JAKMIP2: variants seen among roughly 807,000 people sequenced by gnomAD.
JAKMIP2 encodes janus kinase and microtubule interacting protein 2.
JAKMIP2 carries 25 observed loss-of-function variants against 115.0 expected under a neutral mutation model. The ratio of observed to expected loss-of-function variants is 0.22; its 90% CI spans 0.16 to 0.30. The LOEUF (loss-of-function observed/expected upper bound fraction) is 0.30, where lower values mean the gene tolerates loss of function less well. Ranked by LOEUF, JAKMIP2 falls within the 10% of genes least tolerant of loss-of-function variation. The pLI, the probability that JAKMIP2 is intolerant of heterozygous loss-of-function variation, is 1.00. For missense variants in JAKMIP2, 642 were observed against 957.6 expected (o/e 0.67, Z 4.35); for synonymous variants, 334 against 343.6 (o/e 0.97, Z 0.31).
chr5:147,592,931 T>C (rs1318142614), intron 21 of JAKMIP2, among the ~76,000 whole-genome samples: 2 of 151,720 alleles, frequency 1.3e-5, no homozygotes, highest in African/African-American at 4.8e-5. Context: ...GATGGAAGAG[T>C]GACAGAGTCA....
At chr5:147,615,300 C>A (rs1756514447) in intron 19 of JAKMIP2, among the ~76,000 whole-genome samples, 1 of 152,096 alleles carries the variant, frequency 6.6e-6, no homozygotes, top group African/African-American at 2.4e-5. Context: ...GGATCTTAAA[C>A]TGGGACTGGA....
chr5:147,667,301 G>T (rs868026702), intron 2 of JAKMIP2, among the ~76,000 whole-genome samples: 26 of 152,152 alleles, frequency 1.7e-4, no homozygotes, highest in African/African-American at 5.6e-4. Context: ...CCAAGGAAAG[G>T]TTACACTATG....
chr5:147,723,277 C>G (rs965885461), intron 1 of JAKMIP2, among the ~76,000 whole-genome samples: 2 of 152,064 alleles, frequency 1.3e-5, no homozygotes, highest in Admixed American at 6.5e-5. Context: ...GTATCTTAGC[C>G]CTCTCACATA....
chr5:147,593,036 G>A (rs1207368276), intron 21 of JAKMIP2, among the ~76,000 whole-genome samples: 1 of 152,156 alleles, frequency 6.6e-6, no homozygotes, highest in Admixed American at 6.5e-5. Flanking sequence ...AGATATTGAT[G>A]GTGGATTCAC....
chr5:147,782,660 C>A lies in JAKMIP2; in HGVS notation c.-353G>T. ...AGAGTATCAGCAATAGAGGCGGCGGCGGCGGCAGCAGCAGCAGCAGCAGCA... is the reference window on the plus strand; with the variant it reads ...AGAGTATCAGCAATAGAGGCGGCGGAGGCGGCAGCAGCAGCAGCAGCAGCA... On this transcript the variant is annotated 5_prime_UTR_variant, in exon 1 of 22. Transcript: ENST00000616793. 1.5e-6 allele frequency: 1 copy of A among 672,092 alleles called. No homozygotes were observed. Among genetic ancestry groups the A allele is most frequent in the Non-Finnish European group, 2.7e-6 (1 of 370,574 alleles). The allele number at this position is 672,092 out of a possible 1,614,324, so 41.6% of individuals were successfully genotyped here. A position where few individuals can be genotyped will look rare whatever the true frequency, so the allele number is the denominator to read the frequency against.
At chr5:147,692,457 A>AT (rs1751904475) in intron 1 of JAKMIP2, among the ~76,000 whole-genome samples, 2 of 152,144 alleles carry the variant, frequency 1.3e-5, no homozygotes, top group South Asian at 4.1e-4. Context: ...TCTTCCTGAG[A>AT]TTTTCAGATC....
At chr5:147,742,729 A>C (rs1347655899) in intron 1 of JAKMIP2, among the ~76,000 whole-genome samples, 2 of 152,156 alleles carry the variant, frequency 1.3e-5, no homozygotes, top group East Asian at 3.9e-4. Context: ...TACGTTTGTT[A>C]TGTCAGCTGG....
chr5:147,769,039 G>A (rs1443932214), intron 1 of JAKMIP2, among the ~76,000 whole-genome samples: 1 of 152,052 alleles, frequency 6.6e-6, no homozygotes, highest in East Asian at 1.9e-4. Context: ...ACATTTCTCT[G>A]TCTTAGTTTC....
intron 3 of JAKMIP2, among the ~76,000 whole-genome samples, chr5:147,651,912 T>C (rs541637243): frequency 2.0e-5 from 3 of 152,336 alleles, no homozygotes; most frequent in African/African-American, 7.2e-5. Context: ...TTGTCAGACT[T>C]GTCAACTGGA....
At chr5:147,636,628 C>G (rs1757626795) in intron 11 of JAKMIP2, among the ~76,000 whole-genome samples, 1 of 152,148 alleles carries the variant, frequency 6.6e-6, no homozygotes, top group Non-Finnish European at 1.5e-5. Flanking sequence ...CATTAAAATG[C>G]AGAACCATAA....
chr5:147,725,965 C>T lies in JAKMIP2; in HGVS notation c.-148-54011G>A, dbSNP rs576180544. ...GCTGATGGGACAGTAGTGAAGATTC[C>T]TTCACTATTGACAAGTGGTGACCTG... is the stretch of plus-strand genomic sequence containing the variant. On this transcript the variant is annotated intron_variant, in intron 1 of 21. Coordinates refer to ENST00000616793, the MANE Select transcript of JAKMIP2 (RefSeq NM_001270941.2). Among the ~76,000 whole-genome samples the T allele has an allele frequency of 4.6e-5, 7 of 152,234 alleles. No homozygotes were observed. The South Asian group carries it at 1.5e-3, about 32-fold the overall frequency.
intron 13 of JAKMIP2, among the ~76,000 whole-genome samples, chr5:147,632,043 T>G (rs977583691): frequency 6.6e-6 from 1 of 152,176 alleles, no homozygotes; most frequent in African/African-American, 2.4e-5. Context: ...TATATCAACA[T>G]ACACTGAACC....
chr5:147,719,575 T>C (rs1005365996), intron 1 of JAKMIP2, among the ~76,000 whole-genome samples: 8 of 152,196 alleles, frequency 5.3e-5, no homozygotes. Context: ...GCTCTTCTTG[T>C]TGAATTGATC....
chr5:147,703,909 T>A (rs1301931507), intron 1 of JAKMIP2, among the ~76,000 whole-genome samples: 1 of 152,184 alleles, frequency 6.6e-6, no homozygotes, highest in Non-Finnish European at 1.5e-5. Context: ...TATTAAATGT[T>A]TGTTTTTACT....
intron 2 of JAKMIP2, among the ~76,000 whole-genome samples, chr5:147,663,863 G>A (rs1324793026): frequency 6.6e-6 from 1 of 152,034 alleles, no homozygotes; most frequent in East Asian, 1.9e-4. Context: ...CTTCCTGGAG[G>A]CCTCTTCTTT....
At chr5:147,635,936 T>C (rs997506381) in intron 12 of JAKMIP2, among the ~76,000 whole-genome samples, 2 of 152,150 alleles carry the variant, frequency 1.3e-5, no homozygotes, top group Admixed American at 1.3e-4. Flanking sequence ...TATATATATA[T>C]GTACAGTATA....
At chr5:147,753,542 G>A (rs918062140) in intron 1 of JAKMIP2, among the ~76,000 whole-genome samples, 1 of 152,218 alleles carries the variant, frequency 6.6e-6, no homozygotes, top group Non-Finnish European at 1.5e-5. Context: ...GCAACCACAC[G>A]ATATGGTCAA....
intron 1 of JAKMIP2, among the ~76,000 whole-genome samples, chr5:147,711,215 C>T (rs1752766707): frequency 6.6e-6 from 1 of 152,146 alleles, no homozygotes; most frequent in Admixed American, 6.5e-5. Context: ...ATTCATCTAA[C>T]CCAGAGCCTT....
intron 1 of JAKMIP2, among the ~76,000 whole-genome samples, chr5:147,729,899 C>T (rs1398020273): frequency 6.6e-6 from 1 of 152,102 alleles, no homozygotes; most frequent in Non-Finnish European, 1.5e-5. Context: ...GAAGCAGACA[C>T]TGAAGTCAGC....
Sources: allele counts gnomAD v4.1 joint callset (sites outside exome capture counted in the v4.1 genomes callset), GRCh38; gene constraint gnomAD v4.1.1; transcripts MANE v1.5; gene names NCBI Gene and HGNC (gene_info 2026-07-23, HGNC 2026-07-21).